Variants in MYO1A observed in about 807,000 individuals in gnomAD.
The protein encoded by MYO1A is unconventional myosin-Ia.
MYO1A carries 127 observed loss-of-function variants against 138.5 expected under a neutral mutation model. The observed-to-expected ratio is 0.92, with a 90% confidence interval of 0.79 to 1.06. MYO1A has a LOEUF of 1.06. Ranked by LOEUF, MYO1A falls within the 50% of genes least tolerant of loss-of-function variation. The pLI, the probability that MYO1A is intolerant of heterozygous loss-of-function variation, is 0.00. For synonymous variants in MYO1A, 477 were observed against 497.5 expected (o/e 0.96, Z 0.55); for missense variants, 1,211 against 1,288.8 (o/e 0.94, Z 0.92).
chr12:57,039,080 C>T lies in MYO1A; in HGVS notation c.1333-71G>A, dbSNP rs992045088. ...GAGATGTCCACGTTCTCATTGCTGCCCCCTTTCTCCACTCTTATCTTCTGC... is the reference window on the plus strand; with the variant it reads ...GAGATGTCCACGTTCTCATTGCTGCTCCCTTTCTCCACTCTTATCTTCTGC... On this transcript the variant is annotated intron_variant, in intron 15 of 27. Coordinates refer to ENST00000300119, the MANE Select transcript of MYO1A (RefSeq NM_005379.4). 1.1e-5 allele frequency: 17 copies of T among 1,570,318 alleles called. No individual in the cohort carries two copies. The African/African-American group carries it at 2.0e-4, about 19-fold the overall frequency.
intron 7 of MYO1A, 77 bp from the exon 8 acceptor site, chr12:57,046,727 C>T: frequency 6.7e-7 from 1 of 1,493,380 alleles, no homozygotes; most frequent in Non-Finnish European, 9.3e-7. Flanking sequence ...TGGAGAATGC[C>T]CCCATCGCCG....
At chr12:57,037,150 C>T in intron 19 of MYO1A, 59 bp from the exon 20 acceptor site, 2 of 1,600,212 alleles carry the variant, frequency 1.2e-6, no homozygotes, top group South Asian at 1.1e-5. Context: ...GTGCTGTCCT[C>T]TCCTATACCC....
chr12:57,046,342 G>T (rs897076089), intron 8 of MYO1A, among the ~76,000 whole-genome samples: 2 of 152,132 alleles, frequency 1.3e-5, no homozygotes, highest in Non-Finnish European at 2.9e-5. Flanking sequence ...TAAAACCCCA[G>T]AAAAGGAAGA....
rs761918548 is a variant in MYO1A at position 57,039,212 on chromosome 12, A to G, written c.1332T>C (p.His444=). Residue 444 remains histidine (H), a splice_region_variant and synonymous_variant, in exon 15 of 28, where the codon CAT becomes CAC. Transcript: ENST00000300119. ...DNGIICKLIE[H]NQRGILAMLD... ...CACAGATAAGAGAATGACAACTCAC[A>G]TGCTCAATGAGCTTACAAATGATGC... 1 of 1,613,954 alleles carries G rather than the reference A, an allele frequency of 6.2e-7. No homozygotes were observed. The highest frequency in any genetic ancestry group is 8.5e-7 in the Non-Finnish European group (1 of 1,179,802).
chr12:57,034,535 G>A (rs1284208704), intron 22 of MYO1A, among the ~76,000 whole-genome samples: 1 of 152,072 alleles, frequency 6.6e-6, no homozygotes, highest in East Asian at 1.9e-4. Context: ...TTAGCCAGGC[G>A]TGGTGGCATG....
At chr12:57,037,439 G>A (rs2030610634) in intron 19 of MYO1A, 109 bp downstream of exon 19, 2 of 1,009,588 alleles carry the variant, frequency 2.0e-6, no homozygotes, top group East Asian at 4.7e-5. Context: ...CCCATCCACT[G>A]GACAGTGATC....
At chr12:57,029,964 C>T (rs2030194341) in intron 24 of MYO1A, 92 bp from the exon 25 acceptor site, 7 of 1,584,258 alleles carry the variant, frequency 4.4e-6, no homozygotes, top group Non-Finnish European at 6.1e-6. Context: ...CGGGCCCTTC[C>T]CCCACATCCA....
chr12:57,049,623 A>G (rs749859433), intron 1 of MYO1A, among the ~76,000 whole-genome samples: 1 of 152,264 alleles, frequency 6.6e-6, no homozygotes, highest in African/African-American at 2.4e-5. Context: ...ACACTAATTC[A>G]TTTAGTGCTT....
At position 57,050,014 on chromosome 12, in the gene MYO1A, T is replaced by C. The variant is rs914203667; in HGVS notation, c.-148A>G. ...GAGGTGGCTTAATGGGAGCTGTCCA[T>C]GGTGCAAGGAAGCTGGGAAAAAGGC... On this transcript the variant is annotated 5_prime_UTR_variant, in exon 1 of 28. The change abolishes an upstream ATG in the 5' untranslated region. Coordinates refer to ENST00000300119, the MANE Select transcript of MYO1A (RefSeq NM_005379.4). 1 of 152,506 alleles carries C rather than the reference T, an allele frequency of 6.6e-6. No homozygotes were observed. The highest frequency in any genetic ancestry group is 1.5e-5 in the Non-Finnish European group (1 of 68,172). The allele number at this position is 152,506 out of a possible 1,614,324, so 9.4% of individuals were successfully genotyped here.
intron 22 of MYO1A, among the ~76,000 whole-genome samples, chr12:57,032,385 G>A (rs1038249577): frequency 1.3e-5 from 2 of 152,156 alleles, no homozygotes; most frequent in Non-Finnish European, 2.9e-5. Flanking sequence ...TCTACTGTAG[G>A]GTGGAGAAGG....
chr12:57,046,692 G>C (rs1262735708), intron 7 of MYO1A, 42 bp from the exon 8 acceptor site: 1 of 1,570,502 alleles, frequency 6.4e-7, no homozygotes, highest in East Asian at 2.2e-5. Flanking sequence ...GGGCCTGGGA[G>C]ATGCCGTAGC....
At chr12:57,030,090 ACT>A in intron 24 of MYO1A, 118 bp downstream of exon 24, 2 of 1,225,002 alleles carry the variant, frequency 1.6e-6, no homozygotes, top group South Asian at 2.5e-5. Flanking sequence ...TGGATCAGAG[ACT>A]CTGAGGAGGG....
At chr12:57,049,604 A>C (rs918721152) in intron 1 of MYO1A, among the ~76,000 whole-genome samples, 1 of 152,272 alleles carries the variant, frequency 6.6e-6, no homozygotes, top group African/African-American at 2.4e-5. Flanking sequence ...GGCTCTAAGC[A>C]CTGTACATAC....
rs185617284 is a variant in MYO1A, at chr12:57,038,511, T to C, written c.1661A>G (p.Gln554Arg). 1.2e-6 allele frequency: 2 copies of C among 1,614,168 alleles called. No individual in the cohort carries two copies. The highest frequency in any genetic ancestry group is 1.7e-5 in the Admixed American group (1 of 60,030). ...AGTCGGGGGGCGTTTGAGAGATGCC[T>C]GCTTAGGATTGCCCTCAGGAAACAA... ...RSLFPEGNPK[Q>R]ASLKRPPTAG... The change falls in exon 17 of 28, where the codon CAG becomes CGG. Residue 554 changes from glutamine (Q) to arginine (R), a missense_variant. Coordinates refer to ENST00000300119, the MANE Select transcript of MYO1A (RefSeq NM_005379.4).
At chr12:57,032,763 T>C (rs1170529100) in intron 22 of MYO1A, among the ~76,000 whole-genome samples, 2 of 152,156 alleles carry the variant, frequency 1.3e-5, no homozygotes, top group Non-Finnish European at 2.9e-5. Flanking sequence ...CAGATCATGA[T>C]GGGCCTTGTA....
chr12:57,029,294 C>A (rs539442653), intron 26 of MYO1A, 35 bp from the exon 27 acceptor site: 2 of 1,613,704 alleles, frequency 1.2e-6, no homozygotes, highest in Non-Finnish European at 1.7e-6. Context: ...GAAAGGGATT[C>A]ATTTTTTCTC....
intron 18 of MYO1A, 68 bp downstream of exon 18, chr12:57,037,801 G>A: frequency 1.3e-6 from 2 of 1,562,128 alleles, no homozygotes; most frequent in Admixed American, 3.4e-5. Flanking sequence ...GCACCTCCAG[G>A]TCTCTTCCCC....
At chr12:57,044,057 AAT>A in intron 9 of MYO1A, 47 bp downstream of exon 9, 1 of 1,614,190 alleles carries the variant, frequency 6.2e-7, no homozygotes. Flanking sequence ...GTCCAATGCG[AAT>A]AGAGGATGAC....
rs1258326967 is a variant in MYO1A at position 57,044,228 on chromosome 12, G to T, written c.641-19C>A. ...AGGGCCTCTGGGAGGGCCAGTGTTG[G>T]GGAAGATGGTTAGTACCCAGGCTCT... On this transcript the variant is annotated intron_variant, in intron 8 of 27. Coordinates refer to ENST00000300119, the MANE Select transcript of MYO1A (RefSeq NM_005379.4). 1 of 1,605,462 alleles carries T rather than the reference G, an allele frequency of 6.2e-7. No homozygotes were observed. The highest frequency in any genetic ancestry group is 8.5e-7 in the Non-Finnish European group (1 of 1,173,330).
Sources: allele counts gnomAD v4.1 joint callset (sites outside exome capture counted in the v4.1 genomes callset), GRCh38; gene constraint gnomAD v4.1.1; transcripts MANE v1.5; gene names NCBI Gene and HGNC (gene_info 2026-07-23, HGNC 2026-07-21).